CAP2: variants seen among roughly 807,000 people sequenced by gnomAD.
The protein encoded by CAP2 is cyclase associated actin cytoskeleton regulatory protein 2.
In CAP2, 24 loss-of-function variants were observed where a neutral mutation model predicts 57.7. That is an observed-to-expected ratio of 0.42 (90% confidence interval 0.30 to 0.58). The LOEUF (loss-of-function observed/expected upper bound fraction) is 0.58, where lower values mean the gene tolerates loss of function less well. Among genes scored for constraint, CAP2 ranks in the 20% least tolerant of loss-of-function variants. The pLI is 0.22. For synonymous variants in CAP2, 194 were observed against 207.2 expected, an observed-to-expected ratio of 0.94 and a Z score of 0.55; for missense variants, 501 against 590.3, an observed-to-expected ratio of 0.85 and a Z score of 1.57.
At position 17,551,506 on chromosome 6, in the gene CAP2, G is replaced by A; in HGVS notation, c.1252G>A (p.Gly418Ser). The change falls in exon 12 of 13, where the codon GGT becomes AGT. Residue 418 changes from glycine to serine, a missense_variant. By Grantham distance (56) the Gly-to-Ser change is moderately conservative. Coordinates refer to ENST00000229922, the MANE Select transcript of CAP2 (RefSeq NM_006366.3). ...VPTISINKTE[G>S]CHIYLSEDAL... ...AACAATTTCCATTAATAAGACAGAAGGTTGCCACATATACCTCAGTGAAGA... is the reference window on the plus strand; with the variant it reads ...AACAATTTCCATTAATAAGACAGAAAGTTGCCACATATACCTCAGTGAAGA... 1 of 1,610,368 alleles carries A rather than the reference G, an allele frequency of 6.2e-7. No individual in the cohort carries two copies. Among genetic ancestry groups the A allele is most frequent in the Non-Finnish European group, 8.5e-7 (1 of 1,177,224 alleles).
At chr6:17,397,252 G>A (rs1481902971) in intron 1 of CAP2, among the ~76,000 whole-genome samples, 1 of 151,950 alleles carries the variant, frequency 6.6e-6, no homozygotes. Context: ...TAGAGAAGGG[G>A]TTTCACCATG....
intron 4 of CAP2, among the ~76,000 whole-genome samples, chr6:17,470,816 A>G (rs1363695042): frequency 6.6e-6 from 1 of 152,224 alleles, no homozygotes; most frequent in Non-Finnish European, 1.5e-5. Flanking sequence ...CTCTGTGGAA[A>G]TGTATTGTCT....
At chr6:17,523,587 T>C (rs1762437907) in intron 7 of CAP2, among the ~76,000 whole-genome samples, 1 of 151,962 alleles carries the variant, frequency 6.6e-6, no homozygotes, top group Admixed American at 6.6e-5. Context: ...AAGAATGGGG[T>C]AAACTAATCA....
intron 4 of CAP2, among the ~76,000 whole-genome samples, chr6:17,492,908 C>T (rs777535347): frequency 6.6e-6 from 1 of 152,046 alleles, no homozygotes; most frequent in Non-Finnish European, 1.5e-5. Context: ...ATGCCTGGCA[C>T]CTAGTAGGTG....
chr6:17,530,704 A>G (rs1250167755), intron 7 of CAP2, among the ~76,000 whole-genome samples: 1 of 152,186 alleles, frequency 6.6e-6, no homozygotes, highest in African/African-American at 2.4e-5. Flanking sequence ...CAGTACTACC[A>G]CTAAGCTAGC....
In CAP2 at chr6:17,507,553, C is replaced by G; in HGVS notation, c.445-88C>G. 3.4e-6 allele frequency: 3 copies of G among 888,642 alleles called. No individual in the cohort carries two copies. In the Admixed American group the frequency reaches 5.5e-5, roughly 16 times the overall value. The allele number at this position is 888,642 out of a possible 1,614,324, so 55.0% of individuals were successfully genotyped here. On this transcript the variant is annotated intron_variant, in intron 5 of 12. Coordinates refer to ENST00000229922, the MANE Select transcript of CAP2 (RefSeq NM_006366.3). ...CTCCCACTTTCAAGTCCACGCGTCT[C>G]CATTGCTTTTCTTCTTCTTTAAGGC...
At chr6:17,474,754 A>G (rs1761105406) in intron 4 of CAP2, among the ~76,000 whole-genome samples, 2 of 152,130 alleles carry the variant, frequency 1.3e-5, no homozygotes, top group African/African-American at 4.8e-5. Context: ...CATCCCCTCA[A>G]CAAGATTTGC....
chr6:17,411,799 G>A (rs556750103), intron 1 of CAP2, among the ~76,000 whole-genome samples: 5 of 152,064 alleles, frequency 3.3e-5, no homozygotes, highest in African/African-American at 9.7e-5. Context: ...CAGTGCCAGC[G>A]TGTGGCCCTT....
At chr6:17,529,651 A>AAAAAAAAT (rs10656588) in intron 7 of CAP2, among the ~76,000 whole-genome samples, 71 of 134,538 alleles carry the variant, frequency 5.3e-4, no homozygotes, top group African/African-American at 1.9e-3. Context: ...AAAAAAAAAA[A>AAAAAAAAT]ATATATATAT....
Position 17,551,460 on chromosome 6 carries a change from TCAGG to T in CAP2, c.1210-3_1210del. 1.3e-6 allele frequency: 2 copies of T among 1,587,164 alleles called. No individual in the cohort carries two copies. The highest frequency in any genetic ancestry group is 8.6e-7 in the Non-Finnish European group (1 of 1,166,392). ...TTGGTCCCAGGTATTTTTTCCTATT[TCAGG>T]TAATGGGGAGAGTGCCAACAATTTC... On this transcript the variant is annotated splice_acceptor_variant and splice_polypyrimidine_tract_variant and coding_sequence_variant and intron_variant, in exon 12 of 13. Coordinates refer to ENST00000229922, the MANE Select transcript of CAP2 (RefSeq NM_006366.3). LOFTEE classifies it high-confidence loss of function.
intron 4 of CAP2, among the ~76,000 whole-genome samples, chr6:17,506,585 A>G (rs530105229): frequency 6.6e-6 from 1 of 151,912 alleles, no homozygotes; most frequent in South Asian, 2.1e-4. Context: ...GGTCGCAGTG[A>G]GCCAATATCG....
At chr6:17,521,295 T>C (rs1157681541) in intron 7 of CAP2, among the ~76,000 whole-genome samples, 1 of 151,880 alleles carries the variant, frequency 6.6e-6, no homozygotes, top group East Asian at 1.9e-4. Flanking sequence ...GGCGGGTGCC[T>C]GTAGTCCCAG....
chr6:17,476,201 G>C (rs745921576), intron 4 of CAP2, among the ~76,000 whole-genome samples: 2 of 152,164 alleles, frequency 1.3e-5, no homozygotes, highest in Non-Finnish European at 2.9e-5. Context: ...GTGGCTCCAT[G>C]TCCTGTAAAG....
At chr6:17,547,682 A>G (rs557519663) in intron 11 of CAP2, among the ~76,000 whole-genome samples, 19 of 152,154 alleles carry the variant, frequency 1.2e-4, no homozygotes, top group Middle Eastern at 3.4e-3. Context: ...TCTACTAAAA[A>G]TACAAAAAAT....
At chr6:17,537,898 G>A (rs1223426112) in intron 7 of CAP2, among the ~76,000 whole-genome samples, 1 of 151,764 alleles carries the variant, frequency 6.6e-6, no homozygotes, top group Non-Finnish European at 1.5e-5. Context: ...AAAACCCTGT[G>A]TCTACTAAAG....
chr6:17,521,276 G>C (rs1479948280), intron 7 of CAP2, among the ~76,000 whole-genome samples: 2 of 151,958 alleles, frequency 1.3e-5, no homozygotes, highest in African/African-American at 4.8e-5. Flanking sequence ...AAAATTAGCC[G>C]CACAAGGTGG....
chr6:17,534,673 T>C (rs188156814), intron 7 of CAP2, among the ~76,000 whole-genome samples: 108 of 152,294 alleles, frequency 7.1e-4, no homozygotes, highest in Non-Finnish European at 9.3e-4. Context: ...CTCCCACAGT[T>C]GCCCACTGGG....
At chr6:17,489,803 G>T (rs1581563205) in intron 4 of CAP2, among the ~76,000 whole-genome samples, 1 of 152,096 alleles carries the variant, frequency 6.6e-6, no homozygotes, top group East Asian at 1.9e-4. Flanking sequence ...GAGCAAAACA[G>T]ATCTGCCCTC....
chr6:17,461,118 C>CA (rs747749607), intron 3 of CAP2, among the ~76,000 whole-genome samples: 1 of 151,842 alleles, frequency 6.6e-6, no homozygotes, highest in Non-Finnish European at 1.5e-5. Flanking sequence ...CACTGCACTG[C>CA]AGCCTGGGTG....
Sources: gnomAD v4.1 joint callset for allele counts (sites outside exome capture counted in the v4.1 genomes callset) on GRCh38, gnomAD v4.1.1 for gene constraint, MANE v1.5 for transcripts, NCBI Gene and HGNC (gene_info 2026-07-23, HGNC 2026-07-21) for gene names.